Variants in MEI1 observed in about 807,000 individuals in gnomAD.
MEI1 encodes meiosis inhibitor protein 1.
A neutral mutation model predicts 146.2 loss-of-function variants in MEI1; 103 were observed. The observed-to-expected ratio is 0.70, with a 90% CI of 0.60 to 0.83. The LOEUF (loss-of-function observed/expected upper bound fraction) is 0.83. MEI1 is among the 40% of genes least tolerant of loss of function. The pLI is 0.00. For missense variants in MEI1, 1,529 were observed against 1,533.0 expected (o/e 1.00, Z 0.04); for synonymous variants, 652 against 628.2 (o/e 1.04, Z -0.57).
intron 3 of MEI1, among the ~76,000 whole-genome samples, chr22:41,706,314 G>A (rs951597870): frequency 6.6e-6 from 1 of 152,012 alleles, no homozygotes; most frequent in African/African-American, 2.4e-5. Flanking sequence ...CACCATTCCT[G>A]GCCTTACATT....
chr22:41,753,851 G>T, intron 16 of MEI1, 98 bp from the exon 17 acceptor site: 1 of 858,640 alleles, frequency 1.2e-6, no homozygotes, highest in South Asian at 1.4e-5. Context: ...CTAGCCTCTG[G>T]CACAAAGCAG....
intron 4 of MEI1, 114 bp downstream of exon 4, chr22:41,714,189 G>A: frequency 1.0e-6 from 1 of 967,966 alleles, no homozygotes; most frequent in Non-Finnish European, 1.6e-6. Flanking sequence ...GAGCTTTCCT[G>A]AGGTCACTGA....
intron 7 of MEI1, among the ~76,000 whole-genome samples, chr22:41,724,383 G>T (rs765808000): frequency 2.0e-5 from 3 of 152,124 alleles, no homozygotes; most frequent in Non-Finnish European, 2.9e-5. Context: ...GTTTTGGGAG[G>T]CCAAGGCTGG....
At chr22:41,790,901 T>C (rs2076158029) in intron 26 of MEI1, among the ~76,000 whole-genome samples, 1 of 152,176 alleles carries the variant, frequency 6.6e-6, no homozygotes, top group African/African-American at 2.4e-5. Flanking sequence ...AAAACTTCTT[T>C]TAGGCAAAAA....
At position 41,719,750 on chromosome 22, in the gene MEI1, G is replaced by A. The variant is rs77847600; in HGVS notation, c.733+1476G>A. Among the ~76,000 whole-genome samples, 546 of 152,146 alleles carry A rather than the reference G, an allele frequency of 3.6e-3. 2 individuals carry two copies. Among genetic ancestry groups the A allele is most frequent in the Non-Finnish European group, 5.2e-3 (357 of 68,026 alleles). On this transcript the variant is annotated intron_variant, in intron 6 of 30. Coordinates refer to ENST00000401548, the MANE Select transcript of MEI1 (RefSeq NM_152513.4). The stretch of plus-strand genomic sequence containing the variant: ...AGAAGCCCCAACATACCCTTTTAAC[G>A]TCCTCTCCTGCTATTTTTTTACATA...
chr22:41,730,915 A>G (rs2071802286), intron 9 of MEI1, among the ~76,000 whole-genome samples: 1 of 152,204 alleles, frequency 6.6e-6, no homozygotes, highest in African/African-American at 2.4e-5. Context: ...CATGTTAACA[A>G]CAACTCTAAA....
At chr22:41,755,760 T>C (rs912820453) in intron 17 of MEI1, among the ~76,000 whole-genome samples, 6 of 152,144 alleles carry the variant, frequency 3.9e-5, no homozygotes, top group South Asian at 2.1e-4. Context: ...TGAAGGATAT[T>C]TGTTTCATTA....
At chr22:41,761,475 C>T (rs2074488873) in intron 18 of MEI1, among the ~76,000 whole-genome samples, 2 of 151,908 alleles carry the variant, frequency 1.3e-5, no homozygotes, top group Non-Finnish European at 2.9e-5. Context: ...CTACCACGCC[C>T]GGCTAATTTT....
chr22:41,754,142 C>T (rs1534932), intron 17 of MEI1, 96 bp downstream of exon 17: 702,765 of 871,736 alleles, frequency 0.81, 287,786 homozygotes, highest in African/African-American at 0.96. Context: ...AGTACAGCCA[C>T]GAGATTTCTT....
At chr22:41,754,320 C>G (rs1293216313) in intron 17 of MEI1, among the ~76,000 whole-genome samples, 1 of 152,220 alleles carries the variant, frequency 6.6e-6, no homozygotes, top group Non-Finnish European at 1.5e-5. Context: ...ACAGTCTCCT[C>G]TGCAACATCC....
chr22:41,787,229 G>T (rs554761269), intron 26 of MEI1, among the ~76,000 whole-genome samples: 2 of 152,230 alleles, frequency 1.3e-5, no homozygotes, highest in South Asian at 4.2e-4. Context: ...CAAAACATAA[G>T]CTTTATTGCT....
In MEI1 at chr22:41,770,618, T is replaced by C. The variant is rs146557269; in HGVS notation, c.2269-68T>C. 4 of 1,452,032 alleles carry C rather than the reference T, an allele frequency of 2.8e-6. No individual in the cohort carries two copies. In the East Asian group the frequency reaches 9.2e-5, roughly 33 times the overall value. The allele number at this position is 1,452,032 out of a possible 1,614,324, so 89.9% of individuals were successfully genotyped here. On this transcript the variant is annotated intron_variant, in intron 19 of 30. Transcript: ENST00000401548. ...CAGTACATTTTTCCTAGTCATCTCT[T>C]GGCCATGTTGGGGTCTCTTGGGTCC...
intron 19 of MEI1, among the ~76,000 whole-genome samples, chr22:41,769,493 A>C (rs573522815): frequency 2.0e-5 from 3 of 149,640 alleles, no homozygotes; most frequent in South Asian, 4.2e-4. Flanking sequence ...TTTTTTTGAG[A>C]TGGAGTTTCA....
intron 12 of MEI1, among the ~76,000 whole-genome samples, chr22:41,743,834 T>C (rs2073074304): frequency 6.6e-6 from 1 of 152,098 alleles, no homozygotes; most frequent in Admixed American, 6.6e-5. Context: ...GTCATTCCTG[T>C]GGTTCAGAGA....
At chr22:41,727,378 C>A (rs887717743) in intron 7 of MEI1, among the ~76,000 whole-genome samples, 3 of 152,082 alleles carry the variant, frequency 2.0e-5, no homozygotes, top group African/African-American at 7.2e-5. Context: ...TAGAGGCATC[C>A]CTAATAGCTA....
In MEI1 at chr22:41,784,694, C is replaced by T. The variant is rs761237666; in HGVS notation, c.3256C>T (p.Leu1086=). Residue 1086 remains leucine (L), a synonymous_variant, in exon 26 of 31, where the codon CTG becomes TTG. Coordinates refer to ENST00000401548, the MANE Select transcript of MEI1 (RefSeq NM_152513.4). ...CCTGGTGCCCTCAGGGGCCCAGCCA[C>T]TGCCAGCCACCAAGGACACTGTCCT... is the stretch of plus-strand genomic sequence containing the variant. ...VALVPSGAQP[L]PATKDTVLAP... 3 of 1,613,846 alleles carry T rather than the reference C, an allele frequency of 1.9e-6. No individual in the cohort carries two copies. Among genetic ancestry groups the T allele is most frequent in the Non-Finnish European group, 2.5e-6 (3 of 1,179,842 alleles).
At chr22:41,796,543 G>A (rs1030501451) in intron 30 of MEI1, among the ~76,000 whole-genome samples, 3 of 152,080 alleles carry the variant, frequency 2.0e-5, no homozygotes, top group Non-Finnish European at 2.9e-5. Flanking sequence ...TAAGGTACTT[G>A]TAGTACAGGT....
At chr22:41,766,680 G>A (rs773486199) in intron 19 of MEI1, among the ~76,000 whole-genome samples, 1 of 151,936 alleles carries the variant, frequency 6.6e-6, no homozygotes, top group Non-Finnish European at 1.5e-5. Flanking sequence ...CTGAGTAGCT[G>A]GTACCACAGG....
chr22:41,795,864 C>A lies in MEI1; in HGVS notation c.3779+17C>A, dbSNP rs2076339361. The A allele has an allele frequency of 6.2e-7, 1 of 1,613,132 alleles. No individual in the cohort carries two copies. The highest frequency in any genetic ancestry group is 1.3e-5 in the African/African-American group (1 of 74,834). On this transcript the variant is annotated intron_variant, in intron 30 of 30. Transcript: ENST00000401548. This position sits in a 1 kb window ranked among gnomAD's most constrained non-coding sequence, Gnocchi z 4.2. ...GGACATGCTGTATCCTTTCTTGCAT[C>A]TATGATGAAGGAGATGCCAAATCAC... is the stretch of plus-strand genomic sequence containing the variant.
Sources: gnomAD v4.1 joint callset for allele counts (sites outside exome capture counted in the v4.1 genomes callset) on GRCh38, gnomAD v4.1.1 for gene constraint, Gnocchi (gnomAD v3.1) non-coding constraint, MANE v1.5 for transcripts, NCBI Gene and HGNC (gene_info 2026-07-23, HGNC 2026-07-21) for gene names.